Variants in MKKS observed in about 807,000 individuals in gnomAD.
MKKS encodes the protein MKKS centrosomal shuttling protein.
In MKKS, 29 loss-of-function variants were observed where a neutral mutation model predicts 33.2. The ratio of observed to expected loss-of-function variants is 0.87; its 90% CI spans 0.65 to 1.19. The LOEUF (loss-of-function observed/expected upper bound fraction) is 1.19, where lower values mean the gene tolerates loss of function less well. Among genes scored for constraint, MKKS ranks in the 50% most tolerant of loss-of-function variants. MKKS has a pLI of 0.00. For synonymous variants in MKKS, 260 were observed against 244.0 expected, an observed-to-expected ratio of 1.07 and a Z score of -0.61; for missense variants, 661 against 662.3, an observed-to-expected ratio of 1.00 and a Z score of 0.02.
chr20:10,401,774 G>A lies in MKKS; in HGVS notation c.*3473C>T, dbSNP rs1410667582. 3 of 152,104 alleles carry A rather than the reference G, an allele frequency of 2.0e-5. No homozygotes were observed. The highest frequency in any genetic ancestry group is 2.9e-5 in the Non-Finnish European group (2 of 68,014). 9.4% of individuals were successfully genotyped at this position (152,104 alleles called of 1,614,324 possible). The stretch of plus-strand genomic sequence containing the variant: ...AGCTTTGATAATACAAACCAAATGA[G>A]TTCAAGGATACCTATAATAAAAGAT... On this transcript the variant is annotated 3_prime_UTR_variant, in exon 6 of 6. Transcript: ENST00000347364.
At chr20:10,408,917 A>C in intron 3 of MKKS, 114 bp from the exon 4 acceptor site, 1 of 737,218 alleles carries the variant, frequency 1.4e-6, no homozygotes, top group Non-Finnish European at 2.2e-6. Flanking sequence ...ATATAATTTA[A>C]AATATGAAAT....
chr20:10,432,519 G>C (rs6108574), intron 1 of MKKS, among the ~76,000 whole-genome samples: 1 of 151,938 alleles, frequency 6.6e-6, no homozygotes, highest in Non-Finnish European at 1.5e-5. Flanking sequence ...TAGGCCAGAC[G>C]CCGTGGGTCA....
In MKKS at chr20:10,401,196, T is replaced by C. The variant is rs766208794; in HGVS notation, c.*4051A>G. 30 of 152,210 alleles carry C rather than the reference T, an allele frequency of 2.0e-4. 1 individual carries two copies. The highest frequency in any genetic ancestry group is 8.8e-5 in the Non-Finnish European group (6 of 68,040). 9.4% of individuals were successfully genotyped at this position (152,210 alleles called of 1,614,324 possible). On this transcript the variant is annotated 3_prime_UTR_variant, in exon 6 of 6. Coordinates refer to ENST00000347364, the MANE Select transcript of MKKS (RefSeq NM_170784.3). Reference sequence around the variant, plus strand: ...AAACAGCTTCACTTACATTTAGGAATAGTTTTCAGGGATTGCATTCTCTTT... The same window carrying C: ...AAACAGCTTCACTTACATTTAGGAACAGTTTTCAGGGATTGCATTCTCTTT...
chr20:10,415,136 C>A (rs1475469351), intron 2 of MKKS, among the ~76,000 whole-genome samples: 1 of 152,178 alleles, frequency 6.6e-6, no homozygotes. Flanking sequence ...ATTCCTGACA[C>A]ATTAATAATA....
intron 1 of MKKS, among the ~76,000 whole-genome samples, chr20:10,423,255 C>CA (rs1051144184): frequency 2.0e-5 from 3 of 151,982 alleles, no homozygotes; most frequent in African/African-American, 7.2e-5. Context: ...CCCGTTTCTA[C>CA]AAAAAATACA....
rs556808665 is a variant in MKKS, at chr20:10,419,413, G to A, written c.-418+1115C>T. Among the ~76,000 whole-genome samples the A allele has an allele frequency of 2.6e-5, 4 of 151,994 alleles. No homozygotes were observed. The South Asian group carries it at 6.3e-4, about 24-fold the overall frequency. ...AACGCTATATTATAGTAAATCAAAC[G>A]TGACAAATGCCAATAAAATTTCTGC... On this transcript the variant is annotated intron_variant, in intron 2 of 5. Coordinates refer to ENST00000347364, the MANE Select transcript of MKKS (RefSeq NM_170784.3).
At position 10,420,527 on chromosome 20, in the gene MKKS, C is replaced by G. The variant is rs2064972489; in HGVS notation, c.-418+1G>C. The G allele has an allele frequency of 6.6e-6, 1 of 152,126 alleles. No individual in the cohort carries two copies. Among genetic ancestry groups the G allele is most frequent in the Admixed American group, 6.5e-5 (1 of 15,278 alleles). The allele number at this position is 152,126 out of a possible 1,614,324, so 9.4% of individuals were successfully genotyped here. A position where few individuals can be genotyped will look rare whatever the true frequency, so the allele number is the denominator to read the frequency against. ...AACCAACCAGATTAAATGGAACTTA[C>G]CTGAAGATTGCAAGCCTGCTACTTC... On this transcript the variant is annotated splice_donor_variant, in intron 2 of 5. Transcript: ENST00000347364. LOFTEE classifies it low-confidence loss of function (5UTR_SPLICE).
In MKKS at chr20:10,407,672, C is replaced by A. The variant is rs769841969; in HGVS notation, c.1216G>T (p.Ala406Ser). Residue 406 changes from alanine to serine, a missense_variant, in exon 5 of 6, where the codon GCT becomes TCT. Ala to Ser is a moderately conservative substitution (Grantham distance 99). Coordinates refer to ENST00000347364, the MANE Select transcript of MKKS (RefSeq NM_170784.3). ...TCAGTACAGCCACCTCCCAACAAAGCCCATGGTTCCTTGAGTGTTAACTGC... is the reference window on the plus strand; with the variant it reads ...TCAGTACAGCCACCTCCCAACAAAGACCATGGTTCCTTGAGTGTTAACTGC... The part of the protein sequence containing the change: ...VLQLTLKEPW[A>S]LLGGGCTETH... 1.6e-5 allele frequency: 26 copies of A among 1,613,922 alleles called. No homozygotes were observed. Among genetic ancestry groups the A allele is most frequent in the Non-Finnish European group, 2.2e-5 (26 of 1,179,956 alleles).
At chr20:10,425,505 T>C (rs1600858367) in intron 1 of MKKS, among the ~76,000 whole-genome samples, 1 of 152,220 alleles carries the variant, frequency 6.6e-6, no homozygotes, top group Non-Finnish European at 1.5e-5. Flanking sequence ...CCTTGACTTT[T>C]AGAAAGGTTC....
chr20:10,417,489 T>C (rs994220748), intron 2 of MKKS, among the ~76,000 whole-genome samples: 1 of 152,200 alleles, frequency 6.6e-6, no homozygotes, highest in African/African-American at 2.4e-5. Context: ...CGGATGCCTA[T>C]AGTCCCAGCT....
chr20:10,410,800 C>A (rs2064878787), intron 3 of MKKS, among the ~76,000 whole-genome samples: 1 of 152,080 alleles, frequency 6.6e-6, no homozygotes, highest in Non-Finnish European at 1.5e-5. Context: ...CAAAAACATA[C>A]TTCATCTACC....
At chr20:10,429,716 T>C (rs2065041187) in intron 1 of MKKS, among the ~76,000 whole-genome samples, 2 of 152,160 alleles carry the variant, frequency 1.3e-5, no homozygotes, top group Admixed American at 1.3e-4. Context: ...AAGTGTTTCT[T>C]TACATAATCC....
In MKKS at chr20:10,410,069, C is replaced by T. The variant is rs1431171829; in HGVS notation, c.986-1266G>A. 6.8e-5 allele frequency among the ~76,000 whole-genome samples: 10 copies of T among 146,644 alleles called. No individual in the cohort carries two copies. In the Admixed American group the frequency reaches 6.8e-4, roughly 10 times the overall value. Reference sequence around the variant, plus strand: ...ATAGAATATAATCACTAAACAATTTCACTTATTTGAATATTGTTTACTTCT... The same window carrying T: ...ATAGAATATAATCACTAAACAATTTTACTTATTTGAATATTGTTTACTTCT... On this transcript the variant is annotated intron_variant, in intron 3 of 5. Coordinates refer to ENST00000347364, the MANE Select transcript of MKKS (RefSeq NM_170784.3).
In MKKS at chr20:10,413,469, G is replaced by A. The variant is rs759303371; in HGVS notation, c.46C>T (p.Pro16Ser). 1 of 1,614,142 alleles carries A rather than the reference G, an allele frequency of 6.2e-7. No individual in the cohort carries two copies. Among genetic ancestry groups the A allele is most frequent in the Non-Finnish European group, 8.5e-7 (1 of 1,179,988 alleles). ...GTCCTGACTCTCTCAGTTGTCAGTG[G>A]TTCACTCTTACACAATGATGGCTTC... The part of the protein sequence containing the change: ...AKKPSLCKSE[P>S]LTTERVRTTL... The change falls in exon 3 of 6, where the codon CCA (proline) becomes TCA (serine). Residue 16 changes from proline (P) to serine (S), a missense_variant. Pro to Ser is a moderately conservative substitution (Grantham distance 74). Coordinates refer to ENST00000347364, the MANE Select transcript of MKKS (RefSeq NM_170784.3).
intron 3 of MKKS, among the ~76,000 whole-genome samples, chr20:10,409,977 C>CAAAAAAAAAA (rs58776463): frequency 1.8e-5 from 1 of 54,234 alleles, no homozygotes; most frequent in African/African-American, 8.1e-5. Context: ...GACTTTGTCT[C>CAAAAAAAAAA]AAAAAAAAAA....
intron 3 of MKKS, among the ~76,000 whole-genome samples, chr20:10,410,825 C>A (rs528660582): frequency 6.6e-6 from 1 of 152,052 alleles, no homozygotes; most frequent in South Asian, 2.1e-4. Context: ...AGTTTACCTG[C>A]GCTATGTGCC....
intron 1 of MKKS, among the ~76,000 whole-genome samples, chr20:10,422,322 T>C (rs1158668370): frequency 1.3e-5 from 2 of 152,352 alleles, no homozygotes; most frequent in South Asian, 2.1e-4. Context: ...GTATACTATA[T>C]ACTTTTTGTA....
At position 10,401,071 on chromosome 20, in the gene MKKS, G is replaced by C. The variant is rs756616359; in HGVS notation, c.*4176C>G. On this transcript the variant is annotated 3_prime_UTR_variant, in exon 6 of 6. Coordinates refer to ENST00000347364, the MANE Select transcript of MKKS (RefSeq NM_170784.3). ...TTCTCAAAGAGAATTTTTAATAGGA[G>C]ATTGTCAAGCTGTTTTATTTCCCTC... 6.6e-6 allele frequency: 1 copy of C among 152,096 alleles called. No homozygotes were observed. The highest frequency in any genetic ancestry group is 1.5e-5 in the Non-Finnish European group (1 of 68,024). 9.4% of individuals were successfully genotyped at this position (152,096 alleles called of 1,614,324 possible).
In MKKS at chr20:10,402,280, A is replaced by G. The variant is rs1027803887; in HGVS notation, c.*2967T>C. On this transcript the variant is annotated 3_prime_UTR_variant, in exon 6 of 6. Coordinates refer to ENST00000347364, the MANE Select transcript of MKKS (RefSeq NM_170784.3). ...CTGCCTGAGGCTTACCTTAGTTGCT[A>G]TTTTTACTTATCATTTATTTCTGCC... 3 of 152,142 alleles carry G rather than the reference A, an allele frequency of 2.0e-5. No individual in the cohort carries two copies. Among genetic ancestry groups the G allele is most frequent in the Non-Finnish European group, 4.4e-5 (3 of 68,020 alleles). The allele number at this position is 152,142 out of a possible 1,614,324, so 9.4% of individuals were successfully genotyped here.
Sources: allele counts gnomAD v4.1 joint callset (sites outside exome capture counted in the v4.1 genomes callset), GRCh38; gene constraint gnomAD v4.1.1; transcripts MANE v1.5; gene names NCBI Gene and HGNC (gene_info 2026-07-23, HGNC 2026-07-21).